The following EXOC4 variants were observed in gnomAD, a reference collection of about 807,000 sequenced individuals.
EXOC4 encodes SEC8-like 1.
In EXOC4, 71 loss-of-function variants were observed where a neutral mutation model predicts 107.2. The observed-to-expected ratio is 0.66, with a 90% confidence interval of 0.55 to 0.81. The LOEUF (loss-of-function observed/expected upper bound fraction) is 0.81, where lower values mean the gene tolerates loss of function less well. Ranked by LOEUF, EXOC4 falls within the 30% of genes least tolerant of loss-of-function variation. The pLI is 0.00. For missense variants in EXOC4, 1,108 were observed against 1,189.6 expected (o/e 0.93, Z 1.01); for synonymous variants, 456 against 441.2 (o/e 1.03, Z -0.42).
chr7:133,988,423 A>G (rs1362995239), intron 14 of EXOC4, among the ~76,000 whole-genome samples: 4 of 152,124 alleles, frequency 2.6e-5, no homozygotes, highest in Non-Finnish European at 5.9e-5. Context: ...GTCATATTGC[A>G]TTGGTCAGTT....
intron 9 of EXOC4, among the ~76,000 whole-genome samples, chr7:133,521,943 G>T (rs9886183): frequency 6.6e-6 from 1 of 151,454 alleles, no homozygotes; most frequent in African/African-American, 2.4e-5. Flanking sequence ...TTTTATGTAT[G>T]TGTTTGTAAC....
intron 14 of EXOC4, among the ~76,000 whole-genome samples, chr7:133,990,116 C>A (rs1488868715): frequency 6.6e-6 from 1 of 152,074 alleles, no homozygotes; most frequent in African/African-American, 2.4e-5. Context: ...AAACATTTAT[C>A]TTTTCTTTAT....
At chr7:134,041,235 ACT>A (rs1470187408) in intron 17 of EXOC4, among the ~76,000 whole-genome samples, 2 of 151,416 alleles carry the variant, frequency 1.3e-5, no homozygotes, top group Non-Finnish European at 2.9e-5. Context: ...TGAATTGCTG[ACT>A]CTCTCTTCTT....
At chr7:134,080,777 A>AAT in the EXOC4 span, among the ~76,000 whole-genome samples, 134 of 150,450 alleles carry the variant, frequency 8.9e-4, no homozygotes, top group African/African-American at 2.7e-3. Context: ...CTATCTTAAA[A>AAT]ATATATATAT....
At chr7:133,650,921 A>T (rs1340731087) in intron 10 of EXOC4, among the ~76,000 whole-genome samples, 1 of 137,786 alleles carries the variant, frequency 7.3e-6, no homozygotes, top group Non-Finnish European at 1.5e-5. Context: ...TTCTTAGTAC[A>T]TACTGAGATT....
chr7:134,052,124 T>C (rs1795809156), intron 17 of EXOC4, among the ~76,000 whole-genome samples: 2 of 152,116 alleles, frequency 1.3e-5, no homozygotes, highest in South Asian at 2.1e-4. Context: ...CATAGACACA[T>C]TGGAGGCTTA....
chr7:133,802,913 A>G (rs2098762), intron 10 of EXOC4, among the ~76,000 whole-genome samples: 147,016 of 149,250 alleles, frequency 0.99, 72,460 homozygotes, highest in Middle Eastern at 1. Context: ...TCCAAGAAGA[A>G]CTTATTATAT....
At chr7:133,646,290 A>C (rs538630659) in intron 10 of EXOC4, among the ~76,000 whole-genome samples, 165 of 152,302 alleles carry the variant, frequency 1.1e-3, no homozygotes, top group Admixed American at 1.2e-3. Context: ...GAGCTTCTCC[A>C]AGAAGTATTT....
At chr7:134,029,501 T>C (rs1450218729) in intron 17 of EXOC4, among the ~76,000 whole-genome samples, 4 of 152,064 alleles carry the variant, frequency 2.6e-5, no homozygotes, top group African/African-American at 9.7e-5. Flanking sequence ...GATTGATTGA[T>C]TGATTGATTG....
intron 9 of EXOC4, among the ~76,000 whole-genome samples, chr7:133,550,737 G>T (rs1349395831): frequency 6.6e-6 from 1 of 152,110 alleles, no homozygotes; most frequent in African/African-American, 2.4e-5. Context: ...CATGTTCCTA[G>T]CTTCCACATT....
chr7:133,765,400 G>T (rs1347954406), intron 10 of EXOC4, among the ~76,000 whole-genome samples: 2 of 151,974 alleles, frequency 1.3e-5, no homozygotes. Context: ...ATTTTCAAAT[G>T]GCTTGTTCTC....
chr7:133,948,242 T>G (rs2116777620), intron 14 of EXOC4, among the ~76,000 whole-genome samples: 1 of 152,280 alleles, frequency 6.6e-6, no homozygotes, highest in African/African-American at 2.4e-5. Flanking sequence ...CTTGGGTGCT[T>G]TAAAACCTGG....
intron 5 of EXOC4, among the ~76,000 whole-genome samples, chr7:133,353,705 A>G (rs530424435): frequency 2.4e-4 from 36 of 151,930 alleles, no homozygotes; most frequent in African/African-American, 8.7e-4. Context: ...ACTTTCTTCT[A>G]TTATTTCTTT....
intron 10 of EXOC4, among the ~76,000 whole-genome samples, chr7:133,647,171 A>G (rs1421104688): frequency 6.6e-6 from 1 of 152,220 alleles, no homozygotes; most frequent in Non-Finnish European, 1.5e-5. Context: ...AGTAATGAGC[A>G]TACATCTTGA....
At chr7:133,782,170 A>T (rs1796481877) in intron 10 of EXOC4, among the ~76,000 whole-genome samples, 1 of 152,168 alleles carries the variant, frequency 6.6e-6, no homozygotes, top group Admixed American at 6.5e-5. Context: ...GAAGTAAAAA[A>T]TCCAGACATT....
intron 7 of EXOC4, among the ~76,000 whole-genome samples, chr7:133,469,919 A>G (rs1191287082): frequency 6.6e-6 from 1 of 152,200 alleles, no homozygotes; most frequent in African/African-American, 2.4e-5. Flanking sequence ...CCAGTAGAGA[A>G]TGTATTCCCC....
chr7:133,467,226 CT>C (rs11422455), intron 7 of EXOC4, among the ~76,000 whole-genome samples: 61 of 143,868 alleles, frequency 4.2e-4, no homozygotes, highest in Non-Finnish European at 4.4e-4. Flanking sequence ...TTTATTTCTC[CT>C]TTTTTTTTTT....
chr7:133,748,564 A>G (rs1795724038), intron 10 of EXOC4, among the ~76,000 whole-genome samples: 1 of 152,220 alleles, frequency 6.6e-6, no homozygotes, highest in Non-Finnish European at 1.5e-5. Context: ...ATTTATGGCT[A>G]TGATTTATTA....
At chr7:133,642,952 T>A (rs1411600345) in intron 10 of EXOC4, among the ~76,000 whole-genome samples, 1 of 152,220 alleles carries the variant, frequency 6.6e-6, no homozygotes, top group African/African-American at 2.4e-5. Context: ...TCAGCGCATG[T>A]ATCCCCTTTT....
Sources: allele counts gnomAD v4.1 joint callset (sites outside exome capture counted in the v4.1 genomes callset), GRCh38; gene constraint gnomAD v4.1.1; transcripts MANE v1.5; gene names NCBI Gene and HGNC (gene_info 2026-07-23, HGNC 2026-07-21).